TFEC: variants seen among roughly 807,000 people sequenced by gnomAD.
The protein encoded by TFEC is transcription factor EC.
Under a neutral mutation model 41.6 loss-of-function variants are expected in TFEC, and 31 were observed. That is an observed-to-expected ratio of 0.74 (90% confidence interval 0.56 to 1.01). The LOEUF (loss-of-function observed/expected upper bound fraction) is 1.01, where lower values mean the gene tolerates loss of function less well. Ranked by LOEUF, TFEC falls within the 50% of genes least tolerant of loss-of-function variation. The pLI is 0.00. For synonymous variants in TFEC, 143 were observed against 140.6 expected, an observed-to-expected ratio of 1.02 and a Z score of -0.12; for missense variants, 402 against 404.1, an observed-to-expected ratio of 0.99 and a Z score of 0.04.
rs1421088383 is a variant in TFEC, at chr7:115,940,778, G to A, written c.817C>T (p.Pro273Ser). ...GCTATAGCTTGATCACAGAGCTCAG[G>A]GCTTGGCCCCTGAGACACAGTCAGT... is the stretch of plus-strand genomic sequence containing the variant. ...QQLTVSQGPS[P>S]ELCDQAIAFS... The change falls in exon 8 of 8, where the codon CCT (proline) becomes TCT (serine). Residue 273 changes from proline to serine, a missense_variant. Coordinates refer to ENST00000265440, the MANE Select transcript of TFEC (RefSeq NM_012252.4). 2 of 1,613,354 alleles carry A rather than the reference G, an allele frequency of 1.2e-6. No individual in the cohort carries two copies. The highest frequency in any genetic ancestry group is 1.7e-6 in the Non-Finnish European group (2 of 1,179,644).
intron 3 of TFEC, among the ~76,000 whole-genome samples, chr7:116,073,709 T>C (rs1796884880): frequency 6.6e-6 from 1 of 151,940 alleles, no homozygotes; most frequent in Non-Finnish European, 1.5e-5. Flanking sequence ...AAAAACTGAG[T>C]TGGAAAACTT....
intron 3 of TFEC, among the ~76,000 whole-genome samples, chr7:116,052,020 GA>G (rs1468324427): frequency 1.3e-5 from 2 of 151,508 alleles, no homozygotes; most frequent in Admixed American, 1.3e-4. Context: ...TAATCTGCTA[GA>G]GAAATCAGAA....
intron 1 of TFEC, among the ~76,000 whole-genome samples, chr7:116,128,055 A>G (rs1331734232): frequency 6.6e-6 from 1 of 152,250 alleles, no homozygotes; most frequent in Admixed American, 6.5e-5. Flanking sequence ...CTCAAATTAC[A>G]TAACTTTTCT....
intron 1 of TFEC, among the ~76,000 whole-genome samples, chr7:115,994,341 C>A (rs1428615075): frequency 2.7e-5 from 4 of 146,658 alleles, no homozygotes; most frequent in Non-Finnish European, 6.2e-5. Flanking sequence ...GCAACAAAAG[C>A]CAAAATTGAC....
At chr7:116,053,901 A>G (rs998066929) in intron 3 of TFEC, among the ~76,000 whole-genome samples, 1 of 152,224 alleles carries the variant, frequency 6.6e-6, no homozygotes, top group Non-Finnish European at 1.5e-5. Flanking sequence ...CATACTGTGT[A>G]CCAGAAAGGA....
chr7:116,050,953 A>G (rs1796295309), intron 3 of TFEC, among the ~76,000 whole-genome samples: 1 of 152,224 alleles, frequency 6.6e-6, no homozygotes, highest in Admixed American at 6.5e-5. Flanking sequence ...CACACCATGG[A>G]ATACTATGCA....
In TFEC at chr7:115,998,846, C is replaced by T. The variant is rs555323268; in HGVS notation, c.-72-14333G>A. Among the ~76,000 whole-genome samples the T allele has an allele frequency of 3.0e-4, 39 of 128,332 alleles. No homozygotes were observed. The South Asian group carries it at 4.1e-3, about 14-fold the overall frequency. The allele number at this position is 128,332 out of a possible 152,430, so 84.2% of individuals were successfully genotyped here. Reference sequence around the variant, plus strand: ...AGATATATAAAACAAATATTATTAGCGCTAAAGAGAGAGAGAGCAACCCCA... The same window carrying T: ...AGATATATAAAACAAATATTATTAGTGCTAAAGAGAGAGAGAGCAACCCCA... On this transcript the variant is annotated intron_variant, in intron 1 of 7. Coordinates refer to ENST00000265440, the MANE Select transcript of TFEC (RefSeq NM_012252.4).
At chr7:116,062,739 T>G (rs890839026) in intron 3 of TFEC, among the ~76,000 whole-genome samples, 1 of 151,618 alleles carries the variant, frequency 6.6e-6, no homozygotes, top group Non-Finnish European at 1.5e-5. Flanking sequence ...AGACACCTAA[T>G]AGTGGGATTG....
intron 1 of TFEC, among the ~76,000 whole-genome samples, chr7:116,116,205 G>T (rs996890253): frequency 9.9e-5 from 15 of 151,818 alleles, no homozygotes; most frequent in African/African-American, 3.6e-4. Flanking sequence ...CCAAAAAAAT[G>T]GAAAAGAAGA....
At chr7:116,112,253 G>C (rs1323512416) in intron 1 of TFEC, among the ~76,000 whole-genome samples, 1 of 151,954 alleles carries the variant, frequency 6.6e-6, no homozygotes, top group African/African-American at 2.4e-5. Context: ...AACACTACTT[G>C]AGAGCAAATA....
chr7:116,158,042 T>C (rs1286165400), intron 1 of TFEC, among the ~76,000 whole-genome samples: 1 of 152,152 alleles, frequency 6.6e-6, no homozygotes, highest in Non-Finnish European at 1.5e-5. Context: ...TTTGTAAAAT[T>C]AGGAAAATAC....
intron 1 of TFEC, among the ~76,000 whole-genome samples, chr7:116,128,527 C>A (rs1354875607): frequency 2.0e-5 from 3 of 152,016 alleles, no homozygotes; most frequent in Non-Finnish European, 4.4e-5. Context: ...AACAATTTAA[C>A]TATTTTTATA....
At chr7:116,053,092 T>A (rs1796351916) in intron 3 of TFEC, among the ~76,000 whole-genome samples, 1 of 151,520 alleles carries the variant, frequency 6.6e-6, no homozygotes, top group African/African-American at 2.4e-5. Flanking sequence ...AAGAAAGAAA[T>A]GTCATGGAAG....
At chr7:115,950,817 T>G in intron 6 of TFEC, 57 bp downstream of exon 6, 1 of 1,360,210 alleles carries the variant, frequency 7.4e-7, no homozygotes. Context: ...TTCCCTCCCA[T>G]TCATTTTGGG....
intron 1 of TFEC, among the ~76,000 whole-genome samples, chr7:116,132,640 T>TCAC (rs1377443214): frequency 1.3e-5 from 2 of 152,238 alleles, no homozygotes; most frequent in African/African-American, 4.8e-5. Context: ...TGCAATTTAT[T>TCAC]CACCATTGCT....
intron 1 of TFEC, among the ~76,000 whole-genome samples, chr7:116,013,867 C>CT (rs2130825287): frequency 6.6e-6 from 1 of 152,178 alleles, no homozygotes; most frequent in South Asian, 2.1e-4. Flanking sequence ...TTTGTTGTGT[C>CT]TTGTGTTTCA....
intron 3 of TFEC, among the ~76,000 whole-genome samples, chr7:116,049,978 C>A (rs564856776): frequency 1.3e-5 from 2 of 152,262 alleles, no homozygotes; most frequent in South Asian, 4.1e-4. Context: ...ACATTTAAAG[C>A]AGTGTGTAGA....
intron 1 of TFEC, chr7:116,112,063 G>T: frequency 1.0e-6 from 1 of 970,814 alleles, no homozygotes; most frequent in Non-Finnish European, 1.2e-6. Context: ...AAAGAGAGAA[G>T]TTACTGTTTT....
At chr7:116,008,251 G>A (rs11761413) in intron 1 of TFEC, among the ~76,000 whole-genome samples, 20,837 of 152,174 alleles carry the variant, frequency 0.14, 1,925 homozygotes, top group Non-Finnish European at 0.21. Flanking sequence ...TAATAAGCCT[G>A]TTTAAACCAT....
Sources: allele counts gnomAD v4.1 joint callset (sites outside exome capture counted in the v4.1 genomes callset), GRCh38; gene constraint gnomAD v4.1.1; transcripts MANE v1.5; gene names NCBI Gene and HGNC (gene_info 2026-07-23, HGNC 2026-07-21).